The following SEMA6D variants were observed in gnomAD, a reference collection of about 807,000 sequenced individuals.
The protein encoded by SEMA6D is semaphorin 6D.
In SEMA6D, 35 loss-of-function variants were observed where a neutral mutation model predicts 106.6. The ratio of observed to expected loss-of-function variants is 0.33; its 90% CI spans 0.25 to 0.44. SEMA6D has a LOEUF of 0.44. Among genes scored for constraint, SEMA6D ranks in the 20% least tolerant of loss-of-function variants. The pLI, the probability that SEMA6D is intolerant of heterozygous loss-of-function variation, is 1.00. For missense variants in SEMA6D, 1,185 were observed against 1,345.9 expected (o/e 0.88, Z 1.87); for synonymous variants, 499 against 487.7 (o/e 1.02, Z -0.31).
At chr15:47,309,923 T>C (rs755886059) in intron 1 of SEMA6D, among the ~76,000 whole-genome samples, 2 of 152,326 alleles carry the variant, frequency 1.3e-5, no homozygotes, top group Non-Finnish European at 2.9e-5. Context: ...AAACCCTAAG[T>C]TGAACCATTG....
intron 1 of SEMA6D, chr15:47,241,438 G>T (rs562619222): frequency 1.3e-5 from 2 of 152,340 alleles, no homozygotes; most frequent in Admixed American, 6.6e-5. Flanking sequence ...TTTCATTTTT[G>T]GTTTTGTTTT....
At chr15:47,739,031 A>G (rs2080627772) in intron 1 of SEMA6D, among the ~76,000 whole-genome samples, 1 of 152,174 alleles carries the variant, frequency 6.6e-6, no homozygotes, top group African/African-American at 2.4e-5. Context: ...CTGGGTTCCA[A>G]CCAGTGTCCA....
At chr15:47,291,874 C>G (rs1046804653) in intron 1 of SEMA6D, among the ~76,000 whole-genome samples, 2 of 152,162 alleles carry the variant, frequency 1.3e-5, no homozygotes, top group Non-Finnish European at 2.9e-5. Flanking sequence ...GTCTCTGTCT[C>G]TCTCTCTCAA....
intron 3 of SEMA6D, among the ~76,000 whole-genome samples, chr15:47,506,938 T>A (rs2044062951): frequency 6.6e-6 from 1 of 151,608 alleles, no homozygotes; most frequent in Non-Finnish European, 1.5e-5. Context: ...AGTCAGGCTT[T>A]AGGCATCTAC....
At chr15:47,354,195 C>CTA (rs1452686822) in intron 1 of SEMA6D, among the ~76,000 whole-genome samples, 7 of 14,756 alleles carry the variant, frequency 4.7e-4, no homozygotes, top group Admixed American at 1.4e-3. Context: ...CTCTCTCTCT[C>CTA]TCTCTATATA....
At position 47,473,984 on chromosome 15, in the gene SEMA6D, G is replaced by T. The variant is rs553229690; in HGVS notation, c.-87+3439G>T. 8.8e-4 allele frequency among the ~76,000 whole-genome samples: 134 copies of T among 152,244 alleles called. 1 individual carries two copies. Among genetic ancestry groups the T allele is most frequent in the African/African-American group, 3.1e-3 (129 of 41,548 alleles). On this transcript the variant is annotated intron_variant, in intron 3 of 19. Transcript: ENST00000558014. ...GGAAAGGCTGTGCCTTTCCCAGCTG[G>T]CCAGGGGAGCCGGAAGCCTGGGAAG...
At chr15:47,442,550 A>G (rs2041913041) in intron 2 of SEMA6D, among the ~76,000 whole-genome samples, 1 of 152,128 alleles carries the variant, frequency 6.6e-6, no homozygotes, top group East Asian at 1.9e-4. Context: ...GACTGAGGGT[A>G]ATGTCTGCGT....
intron 4 of SEMA6D, among the ~76,000 whole-genome samples, chr15:47,709,941 G>A (rs2078983583): frequency 6.7e-6 from 1 of 149,370 alleles, no homozygotes; most frequent in South Asian, 2.1e-4. Context: ...TGGGAACCAA[G>A]ATCATATTTA....
chr15:47,289,412 A>G (rs1236787883), intron 1 of SEMA6D, among the ~76,000 whole-genome samples: 11 of 151,672 alleles, frequency 7.3e-5, no homozygotes, highest in South Asian at 4.2e-4. Flanking sequence ...AAAAAAAAAA[A>G]AAAAGAAAAG....
intron 4 of SEMA6D, among the ~76,000 whole-genome samples, chr15:47,706,512 T>C (rs1596696200): frequency 6.6e-6 from 1 of 152,226 alleles, no homozygotes; most frequent in African/African-American, 2.4e-5. Context: ...GTTTTATTTC[T>C]CTCTGCATTA....
At chr15:47,275,289 A>G (rs1399864037) in intron 1 of SEMA6D, 2 of 152,186 alleles carry the variant, frequency 1.3e-5, no homozygotes, top group African/African-American at 4.8e-5. Flanking sequence ...TGAGAAAGGA[A>G]AAAGAATAAA....
At chr15:47,498,151 T>C (rs1273601665) in intron 3 of SEMA6D, among the ~76,000 whole-genome samples, 1 of 152,182 alleles carries the variant, frequency 6.6e-6, no homozygotes, top group Non-Finnish European at 1.5e-5. Context: ...TTAACAAAGC[T>C]ACTGCCTACA....
intron 1 of SEMA6D, among the ~76,000 whole-genome samples, chr15:47,205,221 C>T (rs1335010694): frequency 6.6e-6 from 1 of 152,102 alleles, no homozygotes; most frequent in Non-Finnish European, 1.5e-5. Flanking sequence ...AAGTATGCTA[C>T]TAAGGAAAAA....
At chr15:47,353,739 G>A (rs1169818390) in intron 1 of SEMA6D, among the ~76,000 whole-genome samples, 4 of 152,062 alleles carry the variant, frequency 2.6e-5, no homozygotes, top group Admixed American at 1.3e-4. Flanking sequence ...CCTAAAAATG[G>A]TAGTGAGTAA....
chr15:47,596,110 C>T (rs1347403112), intron 3 of SEMA6D, among the ~76,000 whole-genome samples: 2 of 151,806 alleles, frequency 1.3e-5, no homozygotes, highest in Non-Finnish European at 2.9e-5. Context: ...GATACAAAAT[C>T]AACAAACAAA....
At chr15:47,714,863 A>G (rs1407208816), upstream of SEMA6D, among the ~76,000 whole-genome samples, 1 of 152,238 alleles carries the variant, frequency 6.6e-6, no homozygotes, top group Non-Finnish European at 1.5e-5. Context: ...CTGTTTAACA[A>G]GTATTTATTG....
chr15:47,197,021 A>G (rs1894407386), intron 1 of SEMA6D, among the ~76,000 whole-genome samples: 1 of 152,166 alleles, frequency 6.6e-6, no homozygotes, highest in Non-Finnish European at 1.5e-5. Flanking sequence ...AATCACATAT[A>G]AATTCAAAAA....
chr15:47,256,684 C>A (rs967576242), intron 1 of SEMA6D, among the ~76,000 whole-genome samples: 4 of 151,986 alleles, frequency 2.6e-5, no homozygotes, highest in Admixed American at 6.6e-5. Context: ...CATGGTGAAA[C>A]CCTGTCTGTA....
intron 1 of SEMA6D, among the ~76,000 whole-genome samples, chr15:47,280,826 A>G (rs2035072810): frequency 3.6e-5 from 1 of 28,028 alleles, no homozygotes; most frequent in East Asian, 3.8e-4. Flanking sequence ...GTTTCCATGT[A>G]GTTGAGCGGT....
Sources: gnomAD v4.1 joint callset for allele counts (sites outside exome capture counted in the v4.1 genomes callset) on GRCh38, gnomAD v4.1.1 for gene constraint, MANE v1.5 for transcripts, NCBI Gene and HGNC (gene_info 2026-07-23, HGNC 2026-07-21) for gene names.